The following COL24A1 variants were observed in gnomAD, a reference collection of about 807,000 sequenced individuals.
COL24A1 encodes collagen alpha-1(XXIV) chain.
COL24A1 carries 224 observed loss-of-function variants against 253.9 expected under a neutral mutation model. That is an observed-to-expected ratio of 0.88 (90% CI 0.79 to 0.99). The LOEUF (loss-of-function observed/expected upper bound fraction) is 0.99. Among genes scored for constraint, COL24A1 ranks in the 50% least tolerant of loss-of-function variants. The pLI, the probability that COL24A1 is intolerant of heterozygous loss-of-function variation, is 0.00. For missense variants in COL24A1, 2,131 were observed against 2,068.5 expected, an observed-to-expected ratio of 1.03 and a Z score of -0.59; for synonymous variants, 685 against 673.7, an observed-to-expected ratio of 1.02 and a Z score of -0.26.
intron 34 of COL24A1, 99 bp from the exon 35 acceptor site, chr1:85,874,801 C>T (rs971736701): frequency 7.7e-5 from 102 of 1,317,386 alleles, no homozygotes; most frequent in Non-Finnish European, 9.9e-5. Flanking sequence ...ACGCCTGGGC[C>T]GTAGAGGGTA....
At chr1:86,088,949 G>A (rs1017196147) in intron 7 of COL24A1, among the ~76,000 whole-genome samples, 1 of 151,820 alleles carries the variant, frequency 6.6e-6, no homozygotes, top group Non-Finnish European at 1.5e-5. Context: ...GCCTTTTGTG[G>A]GCACCAGTTT....
intron 3 of COL24A1, among the ~76,000 whole-genome samples, chr1:86,116,845 T>C (rs1706195801): frequency 6.6e-6 from 1 of 152,190 alleles, no homozygotes; most frequent in Admixed American, 6.5e-5. Flanking sequence ...CTATTTCTAT[T>C]CAGCCCCTAA....
At chr1:86,147,387 A>G (rs1428315119) in intron 1 of COL24A1, among the ~76,000 whole-genome samples, 2 of 152,260 alleles carry the variant, frequency 1.3e-5, no homozygotes, top group East Asian at 3.8e-4. Flanking sequence ...GGCCGTACTC[A>G]GTCCAGAGCA....
Position 86,125,655 on chromosome 1 carries a change from A to G in COL24A1, c.681T>C (p.Ser227=). 1 of 1,612,398 alleles carries G rather than the reference A, an allele frequency of 6.2e-7. No individual in the cohort carries two copies. Among genetic ancestry groups the G allele is most frequent in the East Asian group, 2.2e-5 (1 of 44,814 alleles). The change falls in exon 3 of 60, where the codon TCT becomes TCC. Residue 227 remains serine, a synonymous_variant. Coordinates refer to ENST00000370571, the MANE Select transcript of COL24A1 (RefSeq NM_152890.7). ...TGCAGTAGTCTGCAGATGCTTCTGC[A>G]GAAGGAATAATATCTAACTGACATA... The part of the protein sequence containing the change: ...GIVCQLDIIP[S]AEASADYCRY...
intron 59 of COL24A1, among the ~76,000 whole-genome samples, chr1:85,730,967 G>T (rs1046857065): frequency 6.6e-6 from 1 of 152,184 alleles, no homozygotes; most frequent in African/African-American, 2.4e-5. Context: ...TATTGGACCA[G>T]ATATGAATTA....
At chr1:85,912,138 A>G (rs1420212623) in intron 24 of COL24A1, among the ~76,000 whole-genome samples, 2 of 152,210 alleles carry the variant, frequency 1.3e-5, no homozygotes, top group African/African-American at 4.8e-5. Flanking sequence ...TGAAATCTGA[A>G]TAATAATAAG....
chr1:85,770,510 T>C (rs1369216406), intron 53 of COL24A1, among the ~76,000 whole-genome samples: 1 of 149,476 alleles, frequency 6.7e-6, no homozygotes, highest in Non-Finnish European at 1.5e-5. Flanking sequence ...TGTTAGCTTC[T>C]CTTGCAATAA....
chr1:86,124,280 G>A (rs1020186368), intron 3 of COL24A1, among the ~76,000 whole-genome samples: 3 of 151,638 alleles, frequency 2.0e-5, no homozygotes, highest in African/African-American at 7.3e-5. Flanking sequence ...TTAGGCAAGG[G>A]GAGCTTTAAT....
intron 2 of COL24A1, among the ~76,000 whole-genome samples, chr1:86,131,566 G>A (rs1236011167): frequency 7.1e-6 from 1 of 139,864 alleles, no homozygotes; most frequent in Non-Finnish European, 1.5e-5. Context: ...CTGTGTTCAT[G>A]TGTTCTCATT....
chr1:86,085,976 CT>C (rs55663543), intron 7 of COL24A1, among the ~76,000 whole-genome samples: 6,143 of 151,214 alleles, frequency 0.041, 176 homozygotes, highest in Non-Finnish European at 0.06. Context: ...GTTTTCAAGA[CT>C]TTTTTTTTAC....
intron 47 of COL24A1, among the ~76,000 whole-genome samples, chr1:85,812,175 G>A (rs780178875): frequency 1.1e-4 from 16 of 152,146 alleles, no homozygotes; most frequent in Non-Finnish European, 2.2e-4. Context: ...AATGTATACC[G>A]CAGCACTCTA....
At chr1:85,929,873 C>T (rs1309719089) in intron 24 of COL24A1, among the ~76,000 whole-genome samples, 2 of 144,468 alleles carry the variant, frequency 1.4e-5, no homozygotes, top group Non-Finnish European at 3.0e-5. Flanking sequence ...TAAAGATGTT[C>T]TTTGAAACCA....
At chr1:85,799,383 A>T (rs1671188921) in intron 47 of COL24A1, among the ~76,000 whole-genome samples, 1 of 9,846 alleles carries the variant, frequency 1.0e-4, no homozygotes. Context: ...CATGACTAAA[A>T]AAAAAAAAAA....
At chr1:85,876,592 C>G (rs1054616162) in intron 33 of COL24A1, among the ~76,000 whole-genome samples, 1 of 151,690 alleles carries the variant, frequency 6.6e-6, no homozygotes, top group Non-Finnish European at 1.5e-5. Context: ...GATCACTAAG[C>G]CAAGGAAGTA....
At chr1:86,137,988 A>T (rs1170185468) in intron 2 of COL24A1, among the ~76,000 whole-genome samples, 1 of 152,104 alleles carries the variant, frequency 6.6e-6, no homozygotes, top group Non-Finnish European at 1.5e-5. Context: ...TTCTCTTCTT[A>T]TCTCTCTGAT....
chr1:85,815,137 T>A (rs1672929930), intron 47 of COL24A1, among the ~76,000 whole-genome samples: 1 of 152,208 alleles, frequency 6.6e-6, no homozygotes, highest in Non-Finnish European at 1.5e-5. Flanking sequence ...CTTGTTTGAA[T>A]TCTCAAAAAT....
rs767418047 is a variant in COL24A1, at chr1:85,780,374, ACCCTTTC to A, written c.4338+839_4338+845del. On this transcript the variant is annotated intron_variant, in intron 52 of 59. Coordinates refer to ENST00000370571, the MANE Select transcript of COL24A1 (RefSeq NM_152890.7). Reference sequence around the variant, plus strand: ...TCTTTCCTCTCTAAGTCTCAATTTGACCCTTTCTACTGTGCTCCTTGCTTGTTTATAC... The same window carrying A: ...TCTTTCCTCTCTAAGTCTCAATTTGATACTGTGCTCCTTGCTTGTTTATAC... Among the ~76,000 whole-genome samples the A allele has an allele frequency of 9.4e-3, 1,427 of 152,228 alleles. 55 individuals are homozygous for A. The highest frequency in any genetic ancestry group is 0.063 in the Admixed American group (969 of 15,272).
Position 85,896,030 on chromosome 1 carries a change from A to G in COL24A1, c.2868T>C (p.His956=). ...ATGTTTTATTACTTACAATAAGACCATGAGGCCCTCTTTTTCCTTGATCTC... is the reference window on the plus strand; with the variant it reads ...ATGTTTTATTACTTACAATAAGACCGTGAGGCCCTCTTTTTCCTTGATCTC... ...EKGDQGKRGP[H]GLIGKTGNPG... is the part of the protein sequence containing the mutation. The change falls in exon 30 of 60, where the codon CAT becomes CAC. Residue 956 remains histidine, a synonymous_variant. Transcript: ENST00000370571. The G allele has an allele frequency of 6.2e-7, 1 of 1,612,356 alleles. No individual in the cohort carries two copies. The highest frequency in any genetic ancestry group is 8.5e-7 in the Non-Finnish European group (1 of 1,179,496).
intron 5 of COL24A1, among the ~76,000 whole-genome samples, chr1:86,093,279 ATT>A (rs1703640376): frequency 6.6e-6 from 1 of 152,066 alleles, no homozygotes; most frequent in African/African-American, 2.4e-5. Flanking sequence ...AGAGTCCTGT[ATT>A]CTATAGTCAA....
Sources: allele counts gnomAD v4.1 joint callset (sites outside exome capture counted in the v4.1 genomes callset), GRCh38; gene constraint gnomAD v4.1.1; transcripts MANE v1.5; gene names NCBI Gene and HGNC (gene_info 2026-07-23, HGNC 2026-07-21).